CCDC178: variants seen among roughly 807,000 people sequenced by gnomAD.
CCDC178 encodes coiled-coil domain containing 178.
CCDC178 carries 126 observed loss-of-function variants against 117.4 expected under a neutral mutation model. The observed-to-expected ratio is 1.07, with a 90% CI of 0.93 to 1.24. CCDC178 has a LOEUF of 1.24. Among genes scored for constraint, CCDC178 ranks in the 50% most tolerant of loss-of-function variants. The probability of loss-of-function intolerance (pLI) is 0.00; values close to 1 mark genes in which losing one functional copy is unlikely to be tolerated. For missense variants in CCDC178, 1,030 were observed against 986.9 expected (o/e 1.04, Z -0.59); for synonymous variants, 283 against 313.4 (o/e 0.90, Z 1.02).
chr18:33,048,168 A>ATC (rs1002847962), intron 21 of CCDC178, among the ~76,000 whole-genome samples: 8 of 152,182 alleles, frequency 5.3e-5, no homozygotes, highest in African/African-American at 1.9e-4. Flanking sequence ...CCTGAGACAG[A>ATC]TCTCTCTCTA....
At chr18:33,024,428 C>T (rs1156397660) in intron 21 of CCDC178, among the ~76,000 whole-genome samples, 1 of 151,994 alleles carries the variant, frequency 6.6e-6, no homozygotes, top group African/African-American at 2.4e-5. Flanking sequence ...ATTTGTGCCT[C>T]CAAATTTCCT....
chr18:33,293,161 T>G lies in CCDC178; in HGVS notation c.1174A>C (p.Met392Leu), dbSNP rs1258100582. ...TATTTCTAATATGAAAAACTCACCA[T>G]TTTTGATAGAGAATGTAATTCATTT... is the stretch of plus-strand genomic sequence containing the variant. ...SKNELHSLSK[M>L]LEDLRRVYDQ... The change falls in exon 12 of 23, where the codon ATG (methionine) becomes CTG (leucine). Residue 392 changes from methionine to leucine, a missense_variant and splice_region_variant. By Grantham distance (15) the Met-to-Leu change is conservative. Coordinates refer to ENST00000383096, the MANE Select transcript of CCDC178 (RefSeq NM_001105528.4). 6.4e-7 allele frequency: 1 copy of G among 1,559,942 alleles called. No individual in the cohort carries two copies. The highest frequency in any genetic ancestry group is 8.7e-7 in the Non-Finnish European group (1 of 1,148,988).
At chr18:33,420,036 A>C (rs2064002840) in intron 2 of CCDC178, among the ~76,000 whole-genome samples, 1 of 152,214 alleles carries the variant, frequency 6.6e-6, no homozygotes, top group Admixed American at 6.5e-5. Flanking sequence ...AAAACATGGA[A>C]TCATCCCGAA....
chr18:32,969,935 A>G (rs1469255786), intron 22 of CCDC178, among the ~76,000 whole-genome samples: 1 of 152,102 alleles, frequency 6.6e-6, no homozygotes, highest in Non-Finnish European at 1.5e-5. Context: ...GGGAGGAGAA[A>G]GGAAATGATA....
chr18:33,052,145 T>C (rs939952045), intron 21 of CCDC178, among the ~76,000 whole-genome samples: 3 of 152,146 alleles, frequency 2.0e-5, no homozygotes, highest in Non-Finnish European at 2.9e-5. Flanking sequence ...AAGAAGCTAA[T>C]GGCAAATGTT....
intron 11 of CCDC178, among the ~76,000 whole-genome samples, chr18:33,308,390 T>C (rs766769313): frequency 1.3e-5 from 2 of 152,200 alleles, no homozygotes; most frequent in African/African-American, 2.4e-5. Flanking sequence ...AATGAGTTTA[T>C]TTACCCAATG....
intron 20 of CCDC178, among the ~76,000 whole-genome samples, chr18:33,200,410 A>G (rs156185): frequency 0.088 from 13,450 of 152,252 alleles, 719 homozygotes; most frequent in African/African-American, 0.15. Flanking sequence ...GTTTAGTGCG[A>G]TGTTTTTCAG....
chr18:33,207,524 G>C (rs191833778), intron 20 of CCDC178, among the ~76,000 whole-genome samples: 1,993 of 149,716 alleles, frequency 0.013, 26 homozygotes, highest in Middle Eastern at 0.059. Context: ...ATTTTCCAGT[G>C]GGAATGGAAA....
At chr18:33,023,882 T>C (rs897179578) in intron 21 of CCDC178, among the ~76,000 whole-genome samples, 77 of 152,300 alleles carry the variant, frequency 5.1e-4, no homozygotes, top group African/African-American at 1.7e-3. Context: ...AAGAGACAAG[T>C]TACTAATATC....
At chr18:33,085,725 G>A (rs1279482716) in intron 21 of CCDC178, among the ~76,000 whole-genome samples, 1 of 152,010 alleles carries the variant, frequency 6.6e-6, no homozygotes, top group East Asian at 1.9e-4. Flanking sequence ...CATCCTGCTA[G>A]GGAGATATTC....
At chr18:33,173,543 A>T (rs148163364) in intron 20 of CCDC178, among the ~76,000 whole-genome samples, 98 of 152,306 alleles carry the variant, frequency 6.4e-4, no homozygotes, top group Middle Eastern at 3.4e-3. Context: ...GGCTCTTGTT[A>T]TGCTTTTTTC....
intron 21 of CCDC178, among the ~76,000 whole-genome samples, chr18:33,089,443 A>T (rs992175222): frequency 6.6e-6 from 1 of 152,138 alleles, no homozygotes; most frequent in Non-Finnish European, 1.5e-5. Context: ...ATTGAGAGAC[A>T]CTAAAAGATA....
intron 12 of CCDC178, among the ~76,000 whole-genome samples, chr18:33,284,196 C>T (rs908559094): frequency 6.6e-6 from 1 of 152,084 alleles, no homozygotes; most frequent in African/African-American, 2.4e-5. Flanking sequence ...CAAGTGGGAG[C>T]TAAATGATGA....
chr18:33,290,727 T>C (rs771305880), intron 12 of CCDC178, among the ~76,000 whole-genome samples: 6 of 152,112 alleles, frequency 3.9e-5, no homozygotes, highest in Non-Finnish European at 7.4e-5. Flanking sequence ...TTTCGTGACG[T>C]AGCCATGGAG....
chr18:33,345,082 T>G (rs2062872307), intron 9 of CCDC178, among the ~76,000 whole-genome samples: 1 of 152,160 alleles, frequency 6.6e-6, no homozygotes, highest in African/African-American at 2.4e-5. Context: ...ACCTATAATT[T>G]GAATTAATGG....
chr18:33,371,396 C>T (rs1192473457), intron 5 of CCDC178, among the ~76,000 whole-genome samples: 1 of 151,696 alleles, frequency 6.6e-6, no homozygotes, highest in Non-Finnish European at 1.5e-5. Flanking sequence ...ATCCCCACAA[C>T]AATCTTATAA....
intron 4 of CCDC178, among the ~76,000 whole-genome samples, chr18:33,396,412 T>C (rs2063638023): frequency 6.6e-6 from 1 of 152,146 alleles, no homozygotes; most frequent in African/African-American, 2.4e-5. Context: ...ATGTCAACGA[T>C]AGATATACCA....
chr18:33,189,469 ATCTACTTC>A (rs2058832800), intron 20 of CCDC178, among the ~76,000 whole-genome samples: 2 of 152,276 alleles, frequency 1.3e-5, no homozygotes, highest in South Asian at 4.1e-4. Context: ...TTTTTGTCCC[ATCTACTTC>A]CAGTAATATT....
chr18:33,330,253 A>G (rs1038835952), intron 10 of CCDC178, among the ~76,000 whole-genome samples: 1 of 151,996 alleles, frequency 6.6e-6, no homozygotes, highest in Admixed American at 6.6e-5. Context: ...CTTCTACCTT[A>G]TATTAGAGAG....
Sources: allele counts gnomAD v4.1 joint callset (sites outside exome capture counted in the v4.1 genomes callset), GRCh38; gene constraint gnomAD v4.1.1; transcripts MANE v1.5; gene names NCBI Gene and HGNC (gene_info 2026-07-23, HGNC 2026-07-21).